SEMA3E: variants seen among roughly 807,000 people sequenced by gnomAD.
SEMA3E encodes the protein semaphorin-3E.
In SEMA3E, 49 loss-of-function variants were observed where a neutral mutation model predicts 93.6. The ratio of observed to expected loss-of-function variants is 0.52; its 90% CI spans 0.42 to 0.66. The LOEUF (loss-of-function observed/expected upper bound fraction) is 0.66. SEMA3E is among the 30% of genes least tolerant of loss of function. SEMA3E has a pLI of 0.00. For missense variants in SEMA3E, 906 were observed against 964.8 expected (o/e 0.94, Z 0.81); for synonymous variants, 363 against 330.7 (o/e 1.10, Z -1.06).
At chr7:83,625,884 A>T (rs1402194259) in intron 1 of SEMA3E, among the ~76,000 whole-genome samples, 1 of 152,144 alleles carries the variant, frequency 6.6e-6, no homozygotes, top group African/African-American at 2.4e-5. Context: ...CATTCCATCA[A>T]TACCTCGTCT....
intron 4 of SEMA3E, among the ~76,000 whole-genome samples, chr7:83,427,190 TC>T (rs1227699362): frequency 4.6e-5 from 7 of 152,154 alleles, no homozygotes; most frequent in African/African-American, 1.4e-4. Flanking sequence ...CTTCCTTCCT[TC>T]CTTTCCTTCT....
chr7:83,394,420 A>G (rs1788080255), intron 12 of SEMA3E, 82 bp from the exon 13 acceptor site: 4 of 1,125,262 alleles, frequency 3.6e-6, no homozygotes, highest in Admixed American at 1.9e-5. Context: ...CCCTGAAATT[A>G]CATTACTTAT....
At chr7:83,498,106 T>C (rs974963044) in intron 1 of SEMA3E, among the ~76,000 whole-genome samples, 1 of 152,148 alleles carries the variant, frequency 6.6e-6, no homozygotes, top group African/African-American at 2.4e-5. Context: ...AACATTTTCT[T>C]TTCTTTAGCT....
intron 1 of SEMA3E, among the ~76,000 whole-genome samples, chr7:83,589,699 A>C (rs1176881149): frequency 6.6e-6 from 1 of 152,198 alleles, no homozygotes; most frequent in Non-Finnish European, 1.5e-5. Context: ...AAAACTTATT[A>C]ATAAGATATT....
At chr7:83,537,017 GTCTCTC>G (rs548468513) in intron 1 of SEMA3E, among the ~76,000 whole-genome samples, 1 of 151,366 alleles carries the variant, frequency 6.6e-6, no homozygotes, top group Non-Finnish European at 1.5e-5. Flanking sequence ...ATCTTTCTCT[GTCTCTC>G]TCTCTCTTCT....
chr7:83,411,694 A>G (rs1401911503), intron 5 of SEMA3E, among the ~76,000 whole-genome samples: 1 of 152,164 alleles, frequency 6.6e-6, no homozygotes, highest in Admixed American at 6.6e-5. Flanking sequence ...AATTAAATTT[A>G]TTATAACTAT....
At chr7:83,466,904 T>C (rs1421395880) in intron 3 of SEMA3E, among the ~76,000 whole-genome samples, 1 of 152,166 alleles carries the variant, frequency 6.6e-6, no homozygotes, top group Non-Finnish European at 1.5e-5. Flanking sequence ...TTTCTTCAAG[T>C]GTAAAAATTC....
chr7:83,392,774 G>C, intron 13 of SEMA3E, 53 bp from the exon 14 acceptor site: 1 of 1,508,028 alleles, frequency 6.6e-7, no homozygotes. Flanking sequence ...CTTTCACTGA[G>C]CTATTACACC....
At chr7:83,515,982 G>A (rs1470419054) in intron 1 of SEMA3E, among the ~76,000 whole-genome samples, 1 of 152,148 alleles carries the variant, frequency 6.6e-6, no homozygotes, top group Non-Finnish European at 1.5e-5. Flanking sequence ...AGCCAAGATT[G>A]CCTCACTGGC....
At chr7:83,565,231 C>G (rs1019885974) in intron 1 of SEMA3E, among the ~76,000 whole-genome samples, 3 of 152,160 alleles carry the variant, frequency 2.0e-5, no homozygotes, top group Admixed American at 1.3e-4. Context: ...ACAATGAGAT[C>G]ATGTTCTTTG....
At chr7:83,508,693 T>C (rs1225525306) in intron 1 of SEMA3E, among the ~76,000 whole-genome samples, 2 of 152,350 alleles carry the variant, frequency 1.3e-5, no homozygotes, top group Non-Finnish European at 2.9e-5. Flanking sequence ...TCTGACATTT[T>C]AAATTATATT....
At chr7:83,558,687 A>G (rs1791968713) in intron 1 of SEMA3E, among the ~76,000 whole-genome samples, 1 of 152,084 alleles carries the variant, frequency 6.6e-6, no homozygotes, top group Admixed American at 6.6e-5. Flanking sequence ...CTAAGAAGCA[A>G]TGCTACAATG....
intron 1 of SEMA3E, among the ~76,000 whole-genome samples, chr7:83,563,960 A>G (rs1433198866): frequency 6.6e-6 from 1 of 152,182 alleles, no homozygotes; most frequent in African/African-American, 2.4e-5. Context: ...TTTCAACTAA[A>G]TTGACCATTT....
chr7:83,498,915 C>T (rs996395087), intron 1 of SEMA3E, among the ~76,000 whole-genome samples: 2 of 152,150 alleles, frequency 1.3e-5, no homozygotes, highest in Non-Finnish European at 2.9e-5. Flanking sequence ...TTAATCCTGT[C>T]TAAAATCTTG....
intron 14 of SEMA3E, among the ~76,000 whole-genome samples, chr7:83,389,668 C>CAT (rs1165666571): frequency 1.3e-5 from 2 of 148,520 alleles, no homozygotes; most frequent in African/African-American, 2.5e-5. Flanking sequence ...TACATACACA[C>CAT]ATATACACGT....
At chr7:83,630,696 G>A (rs1250690711) in intron 1 of SEMA3E, among the ~76,000 whole-genome samples, 3 of 152,102 alleles carry the variant, frequency 2.0e-5, no homozygotes, top group African/African-American at 7.2e-5. Context: ...TACTGATGAT[G>A]TTTTACTCTT....
chr7:83,565,549 G>A (rs1792129264), intron 1 of SEMA3E, among the ~76,000 whole-genome samples: 1 of 152,158 alleles, frequency 6.6e-6, no homozygotes, highest in Non-Finnish European at 1.5e-5. Context: ...AAAGTATTAT[G>A]CATTCAGAAT....
At chr7:83,397,812 C>T (rs994515687) in intron 11 of SEMA3E, among the ~76,000 whole-genome samples, 3 of 152,036 alleles carry the variant, frequency 2.0e-5, no homozygotes, top group Admixed American at 6.6e-5. Context: ...ATTATCAAGT[C>T]TTATGGATGA....
chr7:83,473,165 A>C (rs1042948591), intron 2 of SEMA3E, among the ~76,000 whole-genome samples: 1 of 152,224 alleles, frequency 6.6e-6, no homozygotes, highest in Non-Finnish European at 1.5e-5. Flanking sequence ...CATTTTGATG[A>C]AGGAGTGAAA....
Sources: allele counts gnomAD v4.1 joint callset (sites outside exome capture counted in the v4.1 genomes callset), GRCh38; gene constraint gnomAD v4.1.1; transcripts MANE v1.5; gene names NCBI Gene and HGNC (gene_info 2026-07-23, HGNC 2026-07-21).